Variants in ZNF804B observed in about 807,000 individuals in gnomAD.
The protein encoded by ZNF804B is zinc finger protein 804B.
A neutral mutation model predicts 101.4 loss-of-function variants in ZNF804B; 80 were observed. The observed-to-expected ratio is 0.79, with a 90% CI of 0.66 to 0.95. The LOEUF (loss-of-function observed/expected upper bound fraction) is 0.95, where lower values mean the gene tolerates loss of function less well. Ranked by LOEUF, ZNF804B falls within the 40% of genes least tolerant of loss-of-function variation. The probability of loss-of-function intolerance (pLI) is 0.00; values close to 1 mark genes in which losing one functional copy is unlikely to be tolerated. For missense variants in ZNF804B, 1,673 were observed against 1,561.9 expected (o/e 1.07, Z -1.20); for synonymous variants, 622 against 558.8 (o/e 1.11, Z -1.59).
At chr7:88,833,854 T>C (rs1449315740) in intron 1 of ZNF804B, among the ~76,000 whole-genome samples, 1 of 151,914 alleles carries the variant, frequency 6.6e-6, no homozygotes, top group Non-Finnish European at 1.5e-5. Context: ...AGTAGATTTA[T>C]GTAACTTAGT....
intron 1 of ZNF804B, among the ~76,000 whole-genome samples, chr7:89,188,467 A>T (rs995111274): frequency 3.3e-5 from 5 of 152,062 alleles, no homozygotes; most frequent in Non-Finnish European, 7.4e-5. Context: ...TAAGTGTTTA[A>T]GAAATAGGAA....
At chr7:88,835,789 A>G (rs1023610897) in intron 1 of ZNF804B, among the ~76,000 whole-genome samples, 2 of 151,928 alleles carry the variant, frequency 1.3e-5, no homozygotes, top group African/African-American at 2.4e-5. Flanking sequence ...TCATGTATAT[A>G]TAGTTATTAA....
At chr7:89,332,202 T>C (rs1790995921) in intron 3 of ZNF804B, among the ~76,000 whole-genome samples, 1 of 151,696 alleles carries the variant, frequency 6.6e-6, no homozygotes. Context: ...GTACATGAAA[T>C]TTGGTGGACA....
At chr7:89,056,060 G>C (rs923988637) in intron 1 of ZNF804B, among the ~76,000 whole-genome samples, 1 of 152,080 alleles carries the variant, frequency 6.6e-6, no homozygotes, top group African/African-American at 2.4e-5. Flanking sequence ...CCTGTAATTG[G>C]AAGTGGAGAT....
At chr7:88,897,867 CTTT>C (rs767550632) in intron 1 of ZNF804B, among the ~76,000 whole-genome samples, 2 of 138,828 alleles carry the variant, frequency 1.4e-5, no homozygotes, top group Non-Finnish European at 1.6e-5. Flanking sequence ...AAGAATAGTA[CTTT>C]TTTTTTTTTT....
intron 1 of ZNF804B, chr7:88,794,992 A>G: frequency 6.8e-7 from 1 of 1,471,556 alleles, no homozygotes; most frequent in South Asian, 1.4e-5. Flanking sequence ...AGCTTATCAT[A>G]ATATTTATGC....
At chr7:89,302,002 C>G (rs1790482341) in intron 2 of ZNF804B, among the ~76,000 whole-genome samples, 1 of 151,758 alleles carries the variant, frequency 6.6e-6, no homozygotes, top group Non-Finnish European at 1.5e-5. Context: ...ATGAAAAACC[C>G]ATGGCATCAG....
chr7:88,950,681 G>A (rs1793205030), intron 1 of ZNF804B, among the ~76,000 whole-genome samples: 1 of 151,248 alleles, frequency 6.6e-6, no homozygotes, highest in Non-Finnish European at 1.5e-5. Flanking sequence ...TTCTCTTTAT[G>A]CCTTTGCAGG....
chr7:89,249,653 T>G (rs60716542), intron 2 of ZNF804B, among the ~76,000 whole-genome samples: 7,117 of 152,082 alleles, frequency 0.047, 535 homozygotes, highest in African/African-American at 0.16. Context: ...AGAGGGAAAT[T>G]TACAGTGCTA....
At chr7:88,785,995 G>C (rs1173268822) in intron 1 of ZNF804B, among the ~76,000 whole-genome samples, 1 of 151,966 alleles carries the variant, frequency 6.6e-6, no homozygotes, top group Non-Finnish European at 1.5e-5. Flanking sequence ...TATATGTCTG[G>C]GGTGAAGGGA....
intron 1 of ZNF804B, among the ~76,000 whole-genome samples, chr7:89,071,193 C>A (rs1789533509): frequency 6.6e-6 from 1 of 151,972 alleles, no homozygotes; most frequent in Non-Finnish European, 1.5e-5. Context: ...TGCCCTTTTT[C>A]TGAGTGTTTT....
intron 1 of ZNF804B, among the ~76,000 whole-genome samples, chr7:88,806,229 ATAAT>A (rs1361107930): frequency 1.3e-5 from 2 of 152,196 alleles, no homozygotes; most frequent in African/African-American, 4.8e-5. Flanking sequence ...TCAAAATCAT[ATAAT>A]TAGTTTCAGA....
At chr7:88,952,947 G>A (rs932670884) in intron 1 of ZNF804B, among the ~76,000 whole-genome samples, 2 of 151,656 alleles carry the variant, frequency 1.3e-5, no homozygotes, top group African/African-American at 4.8e-5. Flanking sequence ...TGTTACTTCT[G>A]GGTACAGGCA....
chr7:89,308,122 C>T (rs904078524), intron 2 of ZNF804B, among the ~76,000 whole-genome samples: 2 of 152,080 alleles, frequency 1.3e-5, no homozygotes, highest in East Asian at 1.9e-4. Context: ...ATACAATGCT[C>T]CTTACTCTTG....
intron 1 of ZNF804B, among the ~76,000 whole-genome samples, chr7:89,142,996 C>A (rs1790739638): frequency 6.6e-6 from 1 of 151,928 alleles, no homozygotes; most frequent in African/African-American, 2.4e-5. Context: ...GTGAAATCAG[C>A]CCCTCTTTAC....
At chr7:88,944,583 AAAT>A (rs2116053529) in intron 1 of ZNF804B, among the ~76,000 whole-genome samples, 1 of 151,948 alleles carries the variant, frequency 6.6e-6, no homozygotes, top group Admixed American at 6.6e-5. Flanking sequence ...AAACACTAAA[AAAT>A]AATAATACAA....
intron 3 of ZNF804B, among the ~76,000 whole-genome samples, chr7:89,328,529 A>T (rs1175289204): frequency 6.6e-6 from 1 of 151,920 alleles, no homozygotes; most frequent in Non-Finnish European, 1.5e-5. Context: ...GAAGCAACGC[A>T]TACATTTGGT....
intron 1 of ZNF804B, among the ~76,000 whole-genome samples, chr7:88,969,996 C>T (rs1176511132): frequency 6.6e-6 from 1 of 151,356 alleles, no homozygotes; most frequent in South Asian, 2.1e-4. Context: ...CTGGTCTCTT[C>T]CTCCTTTGCT....
intron 1 of ZNF804B, among the ~76,000 whole-genome samples, chr7:88,871,829 G>C (rs1283568025): frequency 6.6e-6 from 1 of 152,060 alleles, no homozygotes; most frequent in Non-Finnish European, 1.5e-5. Context: ...TTAGCCGGGC[G>C]TGGTGGTGCA....
Sources: gnomAD v4.1 joint callset for allele counts (sites outside exome capture counted in the v4.1 genomes callset) on GRCh38, gnomAD v4.1.1 for gene constraint, MANE v1.5 for transcripts, NCBI Gene and HGNC (gene_info 2026-07-23, HGNC 2026-07-21) for gene names.